MEGF10: variants seen among roughly 807,000 people sequenced by gnomAD.
MEGF10 encodes the protein multiple epidermal growth factor-like domains protein 10.
Under a neutral mutation model 147.5 loss-of-function variants are expected in MEGF10, and 86 were observed. The ratio of observed to expected loss-of-function variants is 0.58; its 90% CI spans 0.49 to 0.70. The LOEUF (loss-of-function observed/expected upper bound fraction) is 0.70. Ranked by LOEUF, MEGF10 falls within the 30% of genes least tolerant of loss-of-function variation. The pLI is 0.00. For missense variants in MEGF10, 1,329 were observed against 1,487.3 expected (o/e 0.89, Z 1.75); for synonymous variants, 478 against 525.5 (o/e 0.91, Z 1.24).
At chr5:127,397,136 T>G (rs183503357) in intron 6 of MEGF10, among the ~76,000 whole-genome samples, 52 of 152,362 alleles carry the variant, frequency 3.4e-4, no homozygotes, top group African/African-American at 1.3e-3. Context: ...TCATTTATAC[T>G]GCTGGTTGTT....
chr5:127,242,170 C>G, the MEGF10 span, among the ~76,000 whole-genome samples: 35 of 152,246 alleles, frequency 2.3e-4, no homozygotes, highest in African/African-American at 7.7e-4. Flanking sequence ...CAACAGGCAG[C>G]TTATGTAGAA....
At chr5:127,370,109 G>A (rs2126861435) in intron 5 of MEGF10, 107 bp downstream of exon 5, 2 of 747,130 alleles carry the variant, frequency 2.7e-6, no homozygotes, top group South Asian at 3.8e-5. Flanking sequence ...CCTACACAGA[G>A]CATAGTGTAA....
intron 1 of MEGF10, among the ~76,000 whole-genome samples, chr5:127,310,256 A>G (rs1254722094): frequency 2.0e-5 from 3 of 151,460 alleles, no homozygotes; most frequent in East Asian, 3.9e-4. Flanking sequence ...CCATATTTTA[A>G]TTAGGTTGTC....
At chr5:127,240,910 A>C in the MEGF10 span, among the ~76,000 whole-genome samples, 2 of 152,250 alleles carry the variant, frequency 1.3e-5, no homozygotes, top group African/African-American at 4.8e-5. Flanking sequence ...GGAATAATTT[A>C]TCTTTCCAGA....
intron 21 of MEGF10, 57 bp downstream of exon 21, chr5:127,447,741 A>C (rs1766004451): frequency 1.2e-6 from 2 of 1,608,222 alleles, no homozygotes; most frequent in Non-Finnish European, 1.7e-6. Flanking sequence ...GAAGGGAACC[A>C]GCATTTATTG....
intron 4 of MEGF10, among the ~76,000 whole-genome samples, chr5:127,355,056 G>C (rs1474090972): frequency 1.3e-5 from 2 of 152,136 alleles, no homozygotes; most frequent in East Asian, 3.9e-4. Flanking sequence ...GAAAAGTTTA[G>C]GGCCCAGATT....
intron 13 of MEGF10, chr5:127,424,405 A>T: frequency 1.1e-6 from 1 of 890,082 alleles, no homozygotes; most frequent in Non-Finnish European, 1.8e-6. Flanking sequence ...GTTAATTTCC[A>T]CAAAGAAGCA....
chr5:127,348,589 T>C (rs1179172938), intron 4 of MEGF10, among the ~76,000 whole-genome samples: 1 of 152,178 alleles, frequency 6.6e-6, no homozygotes, highest in Non-Finnish European at 1.5e-5. Flanking sequence ...GTATATGCAA[T>C]ATGAAAAAGC....
At chr5:127,438,802 A>G (rs572146492) in intron 17 of MEGF10, among the ~76,000 whole-genome samples, 44 of 152,346 alleles carry the variant, frequency 2.9e-4, no homozygotes, top group Non-Finnish European at 4.4e-4. Context: ...GTGTGATGGT[A>G]TGCAGTTTAT....
At chr5:127,341,300 T>C (rs952484290) in intron 4 of MEGF10, among the ~76,000 whole-genome samples, 5 of 152,150 alleles carry the variant, frequency 3.3e-5, no homozygotes, top group Non-Finnish European at 1.5e-5. Context: ...AGAAGAGAGA[T>C]CATTAAAGAC....
chr5:127,369,142 A>G (rs1167135168), intron 4 of MEGF10, among the ~76,000 whole-genome samples: 2 of 152,206 alleles, frequency 1.3e-5, no homozygotes, highest in Non-Finnish European at 2.9e-5. Flanking sequence ...ACAATTATGT[A>G]TATATCCAGA....
intron 23 of MEGF10, 104 bp from the exon 24 acceptor site, chr5:127,455,297 A>G: frequency 1.1e-6 from 1 of 941,664 alleles, no homozygotes; most frequent in South Asian, 1.6e-5. Flanking sequence ...TTCAGTGTGT[A>G]GAATTATGGA....
At chr5:127,291,541 C>T (rs79637336) in intron 1 of MEGF10, among the ~76,000 whole-genome samples, 3,470 of 152,244 alleles carry the variant, frequency 0.023, 117 homozygotes, top group African/African-American at 0.077. Flanking sequence ...AGATAACGCT[C>T]TAGGCTGGCG....
At position 127,458,645 on chromosome 5, in the gene MEGF10, T is replaced by G. The variant is rs1406850722; in HGVS notation, c.*1327T>G. 6.6e-6 allele frequency: 1 copy of G among 152,194 alleles called. No homozygotes were observed. Among genetic ancestry groups the G allele is most frequent in the Non-Finnish European group, 1.5e-5 (1 of 68,034 alleles). 9.4% of individuals were successfully genotyped at this position (152,194 alleles called of 1,614,324 possible). On this transcript the variant is annotated 3_prime_UTR_variant, in exon 25 of 25. Coordinates refer to ENST00000503335, the MANE Select transcript of MEGF10 (RefSeq NM_001256545.2). ...AAAATTGGTCGTTACTAAAATAGTA[T>G]AGTAACCACAAGTGATTGGCTTATA...
intron 20 of MEGF10, among the ~76,000 whole-genome samples, chr5:127,446,002 G>T (rs1396341123): frequency 1.3e-5 from 2 of 152,170 alleles, no homozygotes; most frequent in East Asian, 1.9e-4. Context: ...TGTGAGGGGG[G>T]TGAGGAGGAA....
At chr5:127,440,234 G>A (rs1434301447) in intron 17 of MEGF10, among the ~76,000 whole-genome samples, 7 of 152,148 alleles carry the variant, frequency 4.6e-5, no homozygotes, top group Non-Finnish European at 8.8e-5. Flanking sequence ...AAGCATTCTA[G>A]TACACCTCTT....
intron 1 of MEGF10, among the ~76,000 whole-genome samples, chr5:127,293,709 T>C (rs1202284988): frequency 6.6e-6 from 1 of 152,254 alleles, no homozygotes; most frequent in Non-Finnish European, 1.5e-5. Context: ...TTGGCAGCTC[T>C]CTGGATGGTG....
intron 1 of MEGF10, among the ~76,000 whole-genome samples, chr5:127,329,954 A>G (rs1761189877): frequency 6.6e-6 from 1 of 152,166 alleles, no homozygotes; most frequent in South Asian, 2.1e-4. Flanking sequence ...TATGTGTTCA[A>G]TAAATGCTTG....
chr5:127,322,376 G>A (rs145580396), intron 1 of MEGF10, among the ~76,000 whole-genome samples: 8 of 152,028 alleles, frequency 5.3e-5, no homozygotes, highest in South Asian at 4.2e-4. Flanking sequence ...TCCTGCCTTC[G>A]CTCTTACTGA....
Sources: allele counts gnomAD v4.1 joint callset (sites outside exome capture counted in the v4.1 genomes callset), GRCh38; gene constraint gnomAD v4.1.1; transcripts MANE v1.5; gene names NCBI Gene and HGNC (gene_info 2026-07-23, HGNC 2026-07-21).